The following GABRB1 variants were observed in gnomAD, a reference collection of about 807,000 sequenced individuals.
GABRB1 encodes the protein gamma-aminobutyric acid type A receptor subunit beta1.
Under a neutral mutation model 51.6 loss-of-function variants are expected in GABRB1, and 17 were observed. The observed-to-expected ratio is 0.33, with a 90% CI of 0.23 to 0.49. The LOEUF (loss-of-function observed/expected upper bound fraction) is 0.49. Ranked by LOEUF, GABRB1 falls within the 20% of genes least tolerant of loss-of-function variation. The probability of loss-of-function intolerance (pLI) is 0.99; values close to 1 mark genes in which losing one functional copy is unlikely to be tolerated. For missense variants in GABRB1, 410 were observed against 600.6 expected (o/e 0.68, Z 3.32); for synonymous variants, 247 against 218.9 (o/e 1.13, Z -1.14).
At chr4:47,179,890 CAAGT>C (rs1718870200) in intron 4 of GABRB1, among the ~76,000 whole-genome samples, 1 of 152,026 alleles carries the variant, frequency 6.6e-6, no homozygotes, top group Non-Finnish European at 1.5e-5. Flanking sequence ...GCATTGAAAT[CAAGT>C]AAGCCTTGAC....
intron 5 of GABRB1, among the ~76,000 whole-genome samples, chr4:47,396,605 GTTTA>G (rs1288780582): frequency 1.3e-5 from 2 of 152,004 alleles, no homozygotes; most frequent in Non-Finnish European, 2.9e-5. Context: ...CAGATCTACA[GTTTA>G]TTTAAGATTT....
At chr4:47,028,853 GTATATATGGTATATATACCATATATA>G (rs567422142), upstream of GABRB1, among the ~76,000 whole-genome samples, 79 of 141,140 alleles carry the variant, frequency 5.6e-4, 1 homozygote, top group East Asian at 2.7e-3. Flanking sequence ...GTGTATATGT[GTATATATGGTATATATACCATATATA>G]TATATATGGT....
intron 4 of GABRB1, among the ~76,000 whole-genome samples, chr4:47,314,015 G>T (rs570232511): frequency 6.6e-6 from 1 of 152,116 alleles, no homozygotes; most frequent in East Asian, 1.9e-4. Context: ...GAAATCAGAT[G>T]ACTTTTTAAG....
chr4:47,336,672 G>A (rs538457635), intron 5 of GABRB1, among the ~76,000 whole-genome samples: 18 of 152,290 alleles, frequency 1.2e-4, no homozygotes, highest in African/African-American at 4.3e-4. Context: ...GATCACCTAG[G>A]ACAAATGTCC....
At chr4:47,246,341 T>C (rs1341819243) in intron 4 of GABRB1, among the ~76,000 whole-genome samples, 32 of 4,612 alleles carry the variant, frequency 6.9e-3, no homozygotes, top group African/African-American at 9.5e-3. Flanking sequence ...TATGTACATA[T>C]ATATATATAT....
At chr4:47,285,937 A>T (rs777050253) in intron 4 of GABRB1, among the ~76,000 whole-genome samples, 1 of 152,226 alleles carries the variant, frequency 6.6e-6, no homozygotes, top group Non-Finnish European at 1.5e-5. Context: ...TAAGTTAACT[A>T]GTTTTAATCA....
At chr4:47,007,866 G>GTGTATATATATATATATATATATA (rs1476319173) in intron 1 of GABRB1, among the ~76,000 whole-genome samples, 2 of 49,968 alleles carry the variant, frequency 4.0e-5, no homozygotes, top group African/African-American at 1.6e-4. Context: ...CTTGGAACTG[G>GTGTATATATATATATATATATATA]TATATATATA....
intron 4 of GABRB1, among the ~76,000 whole-genome samples, chr4:47,217,579 T>G (rs1720603125): frequency 6.6e-6 from 1 of 151,782 alleles, no homozygotes; most frequent in Non-Finnish European, 1.5e-5. Context: ...AGTTCAGCAT[T>G]GCTCCTGTCA....
intron 4 of GABRB1, among the ~76,000 whole-genome samples, chr4:47,223,165 G>T (rs570414060): frequency 6.6e-6 from 1 of 152,104 alleles, no homozygotes; most frequent in South Asian, 2.1e-4. Context: ...GAGAAACAGT[G>T]CCCCAAACCT....
intron 3 of GABRB1, among the ~76,000 whole-genome samples, chr4:47,096,751 T>C (rs1420511584): frequency 1.3e-5 from 2 of 152,070 alleles, no homozygotes; most frequent in African/African-American, 4.8e-5. Flanking sequence ...GAGTCAGAGA[T>C]GTGATGTTGC....
intron 3 of GABRB1, among the ~76,000 whole-genome samples, chr4:47,054,876 C>T (rs969875527): frequency 1.3e-5 from 2 of 152,176 alleles, no homozygotes; most frequent in African/African-American, 2.4e-5. Context: ...TGAGCCACTG[C>T]ACCCGGACAC....
At chr4:47,346,374 A>G (rs1445295293) in intron 5 of GABRB1, among the ~76,000 whole-genome samples, 1 of 152,242 alleles carries the variant, frequency 6.6e-6, no homozygotes, top group Non-Finnish European at 1.5e-5. Context: ...ATGCCAATTA[A>G]TGGGATACTG....
intron 4 of GABRB1, among the ~76,000 whole-genome samples, chr4:47,285,906 T>G (rs936672627): frequency 1.3e-5 from 2 of 152,234 alleles, no homozygotes; most frequent in African/African-American, 4.8e-5. Context: ...GAGGTTCAAC[T>G]GCTAGGGAAA....
chr4:47,241,643 G>A (rs1214255023), intron 4 of GABRB1, among the ~76,000 whole-genome samples: 2 of 152,106 alleles, frequency 1.3e-5, no homozygotes, highest in South Asian at 2.1e-4. Flanking sequence ...CATCCCCATA[G>A]GGAAAGCAGA....
At chr4:47,376,337 G>A (rs147048091) in intron 5 of GABRB1, among the ~76,000 whole-genome samples, 227 of 152,316 alleles carry the variant, frequency 1.5e-3, no homozygotes, top group African/African-American at 5.0e-3. Context: ...AGGGCCCAGA[G>A]GATCTGGCGG....
At chr4:47,290,557 A>G (rs1723687211) in intron 4 of GABRB1, among the ~76,000 whole-genome samples, 1 of 152,212 alleles carries the variant, frequency 6.6e-6, no homozygotes, top group Non-Finnish European at 1.5e-5. Context: ...GCTCAGAAGA[A>G]GACAGAAAAA....
chr4:47,333,659 G>A (rs1725585774), intron 5 of GABRB1, among the ~76,000 whole-genome samples: 1 of 152,090 alleles, frequency 6.6e-6, no homozygotes, highest in Non-Finnish European at 1.5e-5. Flanking sequence ...AGGTTGCAGT[G>A]AGCCAAAATC....
chr4:47,286,946 G>A (rs763085908), intron 4 of GABRB1, among the ~76,000 whole-genome samples: 9 of 152,166 alleles, frequency 5.9e-5, no homozygotes, highest in African/African-American at 1.2e-4. Context: ...GACCCCGCAT[G>A]TGCTCTTCCC....
chr4:47,378,232 G>A lies in GABRB1; in HGVS notation c.545-25086G>A, dbSNP rs186861486. Among the ~76,000 whole-genome samples the A allele has an allele frequency of 3.4e-3, 523 of 152,334 alleles. 3 individuals carry two copies. Among genetic ancestry groups the A allele is most frequent in the African/African-American group, 0.012 (498 of 41,582 alleles). On this transcript the variant is annotated intron_variant, in intron 5 of 8. Transcript: ENST00000295454. ...GCTAAGGCCTGGCGAGAAATCGAGC[G>A]CAGCGCCAGTGGGCCAGCACTGATG... is the stretch of plus-strand genomic sequence containing the variant.
Sources: gnomAD v4.1 joint callset for allele counts (sites outside exome capture counted in the v4.1 genomes callset) on GRCh38, gnomAD v4.1.1 for gene constraint, MANE v1.5 for transcripts, NCBI Gene and HGNC (gene_info 2026-07-23, HGNC 2026-07-21) for gene names.